The following HOXA4 variants were observed in gnomAD, a reference collection of about 807,000 sequenced individuals.
HOXA4 encodes the protein homeobox protein Hox-A4.
HOXA4 carries 31 observed loss-of-function variants against 25.3 expected under a neutral mutation model. That is an observed-to-expected ratio of 1.22 (90% CI 0.92 to 1.65). The LOEUF is 1.65. Among genes scored for constraint, HOXA4 ranks in the 40% most tolerant of loss-of-function variants. HOXA4 has a pLI of 0.00. For missense variants in HOXA4, 459 were observed against 446.0 expected (o/e 1.03, Z -0.26); for synonymous variants, 225 against 207.7 (o/e 1.08, Z -0.72).
Position 27,130,259 on chromosome 7 carries a change from CCTCG to C in HOXA4, c.471_474del (p.Cys157TrpfsTer30). The C allele has an allele frequency of 3.4e-6, 4 of 1,193,990 alleles. No homozygotes were observed. Among genetic ancestry groups the C allele is most frequent in the Non-Finnish European group, 4.2e-6 (4 of 961,934 alleles). 74.0% of individuals were successfully genotyped at this position (1,193,990 alleles called of 1,614,324 possible). On this transcript the variant is annotated frameshift_variant, in exon 1 of 2. Transcript: ENST00000360046. LOFTEE classifies it high-confidence loss of function. ...GGGACGCCTGGGGTGGCGGGGGCCGCCTCGCAGCGCCGCGGGGCCGCTGGGGGCA... is the reference window on the plus strand; with the variant it reads ...GGGACGCCTGGGGTGGCGGGGGCCGCCAGCGCCGCGGGGCCGCTGGGGGCA...
Position 27,130,471 on chromosome 7 carries a change from G to A in HOXA4, c.263C>T (p.Ala88Val). Residue 88 changes from alanine (A) to valine (V), a missense_variant, in exon 1 of 2, where the codon GCG becomes GTG. Physicochemically the swap from Ala to Val is moderately conservative, Grantham distance 64. Coordinates refer to ENST00000360046, the MANE Select transcript of HOXA4 (RefSeq NM_002141.5). ...TAREPAYPAA[A>V]LYPAHGAADT... Reference sequence around the variant, plus strand: ...CGCGGCCCCATGCGCGGGGTACAGCGCGGCAGCAGGGTAGGCGGGCTCGCG... The same window carrying A: ...CGCGGCCCCATGCGCGGGGTACAGCACGGCAGCAGGGTAGGCGGGCTCGCG... 1 of 1,254,746 alleles carries A rather than the reference G, an allele frequency of 8.0e-7. No homozygotes were observed. The highest frequency in any genetic ancestry group is 2.9e-5 in the South Asian group (1 of 34,824). 77.7% of individuals were successfully genotyped at this position (1,254,746 alleles called of 1,614,324 possible). A position where few individuals can be genotyped will look rare whatever the true frequency, so the allele number is the denominator to read the frequency against.
intron 1 of HOXA4, 25 bp downstream of exon 1, chr7:27,130,084 CCACCTCCCG>C: frequency 6.4e-7 from 1 of 1,567,522 alleles, no homozygotes; most frequent in East Asian, 2.3e-5. Flanking sequence ...CAGCCCCGGC[CCACCTCCCG>C]CGCCTCCCAA....
rs1785482390 is a variant in HOXA4 at position 27,130,364 on chromosome 7, T to C, written c.370A>G (p.Lys124Glu). The change falls in exon 1 of 2, where the codon AAG becomes GAG. Residue 124 changes from lysine to glutamate, a missense_variant. By Grantham distance (56) the Lys-to-Glu change is moderately conservative. Coordinates refer to ENST00000360046, the MANE Select transcript of HOXA4 (RefSeq NM_002141.5). ...GCATGCAGGCCGTGCGCTGGGCCCT[T>C]GGCTTGCGCCGGGGGCTGCTCGGGC... ...PQPEQPPAQA[K>E]GPAHGLHASH... 8.8e-7 allele frequency: 1 copy of C among 1,137,826 alleles called. No homozygotes were observed. Among genetic ancestry groups the C allele is most frequent in the Non-Finnish European group, 1.1e-6 (1 of 928,486 alleles). The allele number at this position is 1,137,826 out of a possible 1,614,324, so 70.5% of individuals were successfully genotyped here.
chr7:27,130,250 C>CG lies in HOXA4; in HGVS notation c.483dup (p.Ala162ArgfsTer46). On this transcript the variant is annotated frameshift_variant, in exon 1 of 2. Coordinates refer to ENST00000360046, the MANE Select transcript of HOXA4 (RefSeq NM_002141.5). LOFTEE classifies it high-confidence loss of function. ...CCCCCTGCCGGGACGCCTGGGGTGGCGGGGGCCGCCTCGCAGCGCCGCGGG... is the reference window on the plus strand; with the variant it reads ...CCCCCTGCCGGGACGCCTGGGGTGGCGGGGGGCCGCCTCGCAGCGCCGCGGG... 1 of 1,252,314 alleles carries CG rather than the reference C, an allele frequency of 8.0e-7. No individual in the cohort carries two copies. Among genetic ancestry groups the CG allele is most frequent in the South Asian group, 2.3e-5 (1 of 42,890 alleles). 77.6% of individuals were successfully genotyped at this position (1,252,314 alleles called of 1,614,324 possible).
rs1337145102 is a variant in HOXA4, at chr7:27,130,144, C to T, written c.590G>A (p.Trp197Ter). Residue 197 changes from tryptophan (W) to a stop codon, truncating the protein, a stop_gained, in exon 1 of 2, where the codon TGG becomes TAG. Coordinates refer to ENST00000360046, the MANE Select transcript of HOXA4 (RefSeq NM_002141.5). LOFTEE classifies it high-confidence loss of function. ...LKGKEPVVYP[W>*]MKKIHVSAVN... ...GGCGCTGACATGGATCTTCTTCATC[C>T]AGGGGTACACCACGGGCTCCTTGCC... The T allele has an allele frequency of 1.2e-6, 2 of 1,603,726 alleles. No individual in the cohort carries two copies. Among genetic ancestry groups the T allele is most frequent in the African/African-American group, 1.3e-5 (1 of 74,808 alleles).
chr7:27,130,318 T>C lies in HOXA4; in HGVS notation c.416A>G (p.Gln139Arg). The change falls in exon 1 of 2, where the codon CAG (glutamine) becomes CGG (arginine). Residue 139 changes from glutamine (Q) to arginine (R), a missense_variant. Coordinates refer to ENST00000360046, the MANE Select transcript of HOXA4 (RefSeq NM_002141.5). ...GLHASHVLQP[Q>R]LPPPLQPRAV... ...GCGAGGCTGCAGGGGCGGCGGCAGC[T>C]GGGGCTGCAGGACGTGGCTCGCATG... 1.8e-6 allele frequency: 2 copies of C among 1,091,082 alleles called. No homozygotes were observed. Among genetic ancestry groups the C allele is most frequent in the Non-Finnish European group, 2.2e-6 (2 of 898,252 alleles). 67.6% of individuals were successfully genotyped at this position (1,091,082 alleles called of 1,614,324 possible). A position where few individuals can be genotyped will look rare whatever the true frequency, so the allele number is the denominator to read the frequency against.
At position 27,130,295 on chromosome 7, in the gene HOXA4, G is replaced by T; in HGVS notation, c.439C>A (p.Arg147Ser). ...CGCGGGGCCGCTGGGGGCACGGCGC[G>T]AGGCTGCAGGGGCGGCGGCAGCTGG... Reference protein sequence around the residue: ...QPQLPPPLQPRAVPPAAPRRC... With the variant: ...QPQLPPPLQPSAVPPAAPRRC... The change falls in exon 1 of 2, where the codon CGC becomes AGC. Residue 147 changes from arginine to serine, a missense_variant. Physicochemically the swap from Arg to Ser is moderately radical, Grantham distance 110. Transcript: ENST00000360046. The T allele has an allele frequency of 9.1e-7, 1 of 1,093,174 alleles. No homozygotes were observed. The highest frequency in any genetic ancestry group is 4.3e-5 in the South Asian group (1 of 23,180). The allele number at this position is 1,093,174 out of a possible 1,614,324, so 67.7% of individuals were successfully genotyped here. A position where few individuals can be genotyped will look rare whatever the true frequency, so the allele number is the denominator to read the frequency against.
At position 27,129,148 on chromosome 7, in the gene HOXA4, G is replaced by T; in HGVS notation, c.*77C>A. 2 of 887,758 alleles carry T rather than the reference G, an allele frequency of 2.3e-6. No individual in the cohort carries two copies. Among genetic ancestry groups the T allele is most frequent in the Non-Finnish European group, 3.9e-6 (2 of 519,270 alleles). 55.0% of individuals were successfully genotyped at this position (887,758 alleles called of 1,614,324 possible). On this transcript the variant is annotated 3_prime_UTR_variant, in exon 2 of 2. Coordinates refer to ENST00000360046, the MANE Select transcript of HOXA4 (RefSeq NM_002141.5). ...GTCTATTATGGTCCAGATGGGGAGGGGTGGATGAGGAACGGAGCAGGAGAA... is the reference window on the plus strand; with the variant it reads ...GTCTATTATGGTCCAGATGGGGAGGTGTGGATGAGGAACGGAGCAGGAGAA...
chr7:27,129,352 G>A lies in HOXA4; in HGVS notation c.836C>T (p.Thr279Ile), dbSNP rs1785417263. The part of the protein sequence containing the change: ...KWKKDHKLPN[T>I]KMRSSNSASA... ...GGCCGAATTGGAGGATCGCATCTTG[G>A]TGTTGGGCAGTTTGTGGTCTTTCTT... is the stretch of plus-strand genomic sequence containing the variant. Residue 279 changes from threonine (T) to isoleucine (I), a missense_variant, in exon 2 of 2, where the codon ACC becomes ATC. Physicochemically the swap from Thr to Ile is moderately conservative, Grantham distance 89 (BLOSUM62 -1). Transcript: ENST00000360046. The A allele has an allele frequency of 1.2e-6, 2 of 1,614,090 alleles. No homozygotes were observed. Among genetic ancestry groups the A allele is most frequent in the Admixed American group, 3.3e-5 (2 of 60,010 alleles).
intron 1 of HOXA4, 40 bp downstream of exon 1, chr7:27,130,078 C>G: frequency 6.4e-7 from 1 of 1,555,236 alleles, no homozygotes; most frequent in Non-Finnish European, 8.7e-7. Context: ...CAGGCCCAGC[C>G]CCGGCCCACC....
Position 27,128,817 on chromosome 7 carries a change from G to C in HOXA4, c.*408C>G, listed in dbSNP as rs907230860. 5 of 228,942 alleles carry C rather than the reference G, an allele frequency of 2.2e-5. No individual in the cohort carries two copies. Among genetic ancestry groups the C allele is most frequent in the Non-Finnish European group, 4.3e-5 (5 of 115,016 alleles). The allele number at this position is 228,942 out of a possible 1,614,324, so 14.2% of individuals were successfully genotyped here. A position where few individuals can be genotyped will look rare whatever the true frequency, so the allele number is the denominator to read the frequency against. On this transcript the variant is annotated 3_prime_UTR_variant, in exon 2 of 2. Coordinates refer to ENST00000360046, the MANE Select transcript of HOXA4 (RefSeq NM_002141.5). ...AGCTTGGATGAGCTGCCTTAATGGG[G>C]GAAGAGGAGGTAAGGAAGGTGGGGA...
rs1481753321 is a variant in HOXA4 at position 27,130,312 on chromosome 7, GGCA to G, written c.419_421del (p.Leu140del). 1.5e-5 allele frequency: 16 copies of G among 1,081,574 alleles called. No individual in the cohort carries two copies. The highest frequency in any genetic ancestry group is 5.7e-5 in the East Asian group (1 of 17,616). 67.0% of individuals were successfully genotyped at this position (1,081,574 alleles called of 1,614,324 possible). A position where few individuals can be genotyped will look rare whatever the true frequency, so the allele number is the denominator to read the frequency against. On this transcript the variant is annotated inframe_deletion, in exon 1 of 2. Coordinates refer to ENST00000360046, the MANE Select transcript of HOXA4 (RefSeq NM_002141.5). ...CACGGCGCGAGGCTGCAGGGGCGGC[GGCA>G]GCTGGGGCTGCAGGACGTGGCTCGC... is the stretch of plus-strand genomic sequence containing the variant.
At position 27,129,223 on chromosome 7, in the gene HOXA4, G is replaced by C. The variant is rs766419081; in HGVS notation, c.*2C>G. ...TAGAAACTGGTTAAGATCTCTAGAA[G>C]ATTATATGGAGGAGGGAACGGGTGT... On this transcript the variant is annotated 3_prime_UTR_variant, in exon 2 of 2. Transcript: ENST00000360046. 3.4e-6 allele frequency: 5 copies of C among 1,466,382 alleles called. No individual in the cohort carries two copies. Among genetic ancestry groups the C allele is most frequent in the Non-Finnish European group, 4.8e-6 (5 of 1,047,382 alleles). 90.8% of individuals were successfully genotyped at this position (1,466,382 alleles called of 1,614,324 possible).
At position 27,129,508 on chromosome 7, in the gene HOXA4, A is replaced by C. The variant is rs1037770856; in HGVS notation, c.680T>G (p.Val227Gly). 5.0e-6 allele frequency: 8 copies of C among 1,613,902 alleles called. No homozygotes were observed. The African/African-American group carries it at 6.7e-5, about 13-fold the overall frequency. Residue 227 changes from valine (V) to glycine (G), a missense_variant, in exon 2 of 2, where the codon GTC becomes GGC. Val to Gly is a moderately radical substitution (Grantham distance 109, BLOSUM62 -3). Coordinates refer to ENST00000360046, the MANE Select transcript of HOXA4 (RefSeq NM_002141.5). ...RSRTAYTRQQ[V>G]LELEKEFHFN... ...GTGGAACTCCTTCTCCAGCTCCAAG[A>C]CCTGCTGCCGGGTGTAGGCGGTTCG... is the stretch of plus-strand genomic sequence containing the variant.
At chr7:27,129,663 G>A in intron 1 of HOXA4, 92 bp from the exon 2 acceptor site, 1 of 1,341,952 alleles carries the variant, frequency 7.5e-7, no homozygotes. Flanking sequence ...GTGGGGAAGA[G>A]CAATTGGACA....
chr7:27,129,967 C>T, intron 1 of HOXA4, 151 bp downstream of exon 1: 3 of 848,418 alleles, frequency 3.5e-6, no homozygotes, highest in South Asian at 1.7e-5. Flanking sequence ...CTGGCTGGCG[C>T]GCACATACCC....
In HOXA4 at chr7:27,128,967, A is replaced by C; in HGVS notation, c.*258T>G. The stretch of plus-strand genomic sequence containing the variant: ...TGATACCAAGTAGTCCTTCTCAGGT[A>C]TCCACACCTGGCAGCCTTGTTTCGG... On this transcript the variant is annotated 3_prime_UTR_variant, in exon 2 of 2. Transcript: ENST00000360046. 1 of 553,420 alleles carries C rather than the reference A, an allele frequency of 1.8e-6. No individual in the cohort carries two copies. The highest frequency in any genetic ancestry group is 3.2e-6 in the Non-Finnish European group (1 of 308,216). The allele number at this position is 553,420 out of a possible 1,614,324, so 34.3% of individuals were successfully genotyped here.
chr7:27,129,672 C>A, intron 1 of HOXA4, 101 bp from the exon 2 acceptor site: 2 of 1,267,518 alleles, frequency 1.6e-6, no homozygotes, highest in Non-Finnish European at 2.2e-6. Flanking sequence ...AGCAATTGGA[C>A]ATCATCATTA....
In HOXA4 at chr7:27,129,609, G is replaced by A. The variant is rs766350473; in HGVS notation, c.617-38C>T. On this transcript the variant is annotated intron_variant, in intron 1 of 1. Transcript: ENST00000360046. ...AACCCCGAAATAGAAGGCCAAGGAG[G>A]AGGGAGCGGAAGAGAGGGAAAGGAG... 1.4e-5 allele frequency: 22 copies of A among 1,604,646 alleles called. No homozygotes were observed. The Admixed American group carries it at 2.0e-4, about 15-fold the overall frequency.
Sources: gnomAD v4.1 joint callset for allele counts on GRCh38, gnomAD v4.1.1 for gene constraint, MANE v1.5 for transcripts, NCBI Gene and HGNC (gene_info 2026-07-23, HGNC 2026-07-21) for gene names.